CSMD1: variants seen among roughly 807,000 people sequenced by gnomAD.
CSMD1 encodes the protein CUB and sushi domain-containing protein 1.
In CSMD1, 213 loss-of-function variants were observed where a neutral mutation model predicts 417.5. The observed-to-expected ratio is 0.51, with a 90% CI of 0.46 to 0.57. The LOEUF (loss-of-function observed/expected upper bound fraction) is 0.57, where lower values mean the gene tolerates loss of function less well. CSMD1 is among the 20% of genes least tolerant of loss of function. The pLI is 0.00. For synonymous variants in CSMD1, 2,862 were observed against 1,736.8 expected, an observed-to-expected ratio of 1.65 and a Z score of -16.11; for missense variants, 6,923 against 4,529.7, an observed-to-expected ratio of 1.53 and a Z score of -15.17.
chr8:3,731,374 A>C (rs894980749), intron 6 of CSMD1, among the ~76,000 whole-genome samples: 2 of 152,196 alleles, frequency 1.3e-5, no homozygotes, highest in African/African-American at 2.4e-5. Context: ...GTTCAGGCTA[A>C]TACAGGGAGA....
intron 3 of CSMD1, among the ~76,000 whole-genome samples, chr8:4,412,547 G>T (rs997611970): frequency 1.3e-5 from 2 of 152,050 alleles, no homozygotes; most frequent in Non-Finnish European, 2.9e-5. Context: ...CCAGTCTCCG[G>T]TATTTCTTTA....
rs1471733 is a variant in CSMD1 at position 3,026,102 on chromosome 8, T to A, written c.7855+3217A>T. Among the ~76,000 whole-genome samples, 1,029 of 151,956 alleles carry A rather than the reference T, an allele frequency of 6.8e-3. 12 individuals are homozygous for A. The highest frequency in any genetic ancestry group is 0.017 in the Middle Eastern group (5 of 294). ...GACTTTGAGTTAATAAAAAATGAGA[T>A]GATTTGGATGGGAACAGCCTGGTGA... On this transcript the variant is annotated intron_variant, in intron 51 of 69. Coordinates refer to ENST00000635120, the MANE Select transcript of CSMD1 (RefSeq NM_033225.6).
intron 3 of CSMD1, among the ~76,000 whole-genome samples, chr8:4,168,218 C>G (rs915164045): frequency 8.6e-5 from 13 of 151,348 alleles, no homozygotes; most frequent in African/African-American, 2.9e-4. Flanking sequence ...TATACACACA[C>G]ATATATACAC....
intron 1 of CSMD1, among the ~76,000 whole-genome samples, chr8:4,821,920 GC>G (rs1262488401): frequency 9.9e-5 from 15 of 152,136 alleles, no homozygotes; most frequent in African/African-American, 3.1e-4. Context: ...TTGCTTGCCT[GC>G]TTCAGGTATT....
intron 1 of CSMD1, among the ~76,000 whole-genome samples, chr8:4,843,376 C>A (rs12156083): frequency 6.6e-6 from 1 of 151,896 alleles, no homozygotes; most frequent in Non-Finnish European, 1.5e-5. Flanking sequence ...GGGATGATTA[C>A]GACCTTAAGA....
At position 4,663,385 on chromosome 8, in the gene CSMD1, G is replaced by A. The variant is rs200375582; in HGVS notation, c.86-25827C>T. Among the ~76,000 whole-genome samples, 28 of 152,254 alleles carry A rather than the reference G, an allele frequency of 1.8e-4. No homozygotes were observed. In the East Asian group the frequency reaches 5.2e-3, roughly 28 times the overall value. ...TTTCTTTCCTCTAAGGGACTCTTTG[G>A]AAGATGCTAAGTGATTGGTTTGGGT... On this transcript the variant is annotated intron_variant, in intron 1 of 69. Coordinates refer to ENST00000635120, the MANE Select transcript of CSMD1 (RefSeq NM_033225.6).
At chr8:3,367,008 A>AAACAGC in intron 20 of CSMD1, 24 bp downstream of exon 20, 1 of 1,576,150 alleles carries the variant, frequency 6.3e-7, no homozygotes, top group Non-Finnish European at 8.7e-7. Flanking sequence ...CAGAGGAGAG[A>AAACAGC]AACAGCAAAC....
intron 25 of CSMD1, among the ~76,000 whole-genome samples, chr8:3,300,894 G>A (rs543385821): frequency 1.4e-5 from 2 of 144,512 alleles, no homozygotes; most frequent in South Asian, 2.3e-4. Flanking sequence ...AGGAGGCTGA[G>A]GTTGCAGTGA....
chr8:3,669,709 G>T (rs1364384477), intron 7 of CSMD1, among the ~76,000 whole-genome samples: 1 of 152,072 alleles, frequency 6.6e-6, no homozygotes, highest in Non-Finnish European at 1.5e-5. Context: ...TAGGAACTGG[G>T]TACAAAGAGG....
At chr8:4,832,666 A>G (rs2117450041) in intron 1 of CSMD1, among the ~76,000 whole-genome samples, 1 of 152,290 alleles carries the variant, frequency 6.6e-6, no homozygotes, top group African/African-American at 2.4e-5. Context: ...ATATTCTCAT[A>G]TTTCTCACAA....
At chr8:2,966,770 C>G (rs750512000) in intron 57 of CSMD1, 24 bp from the exon 58 acceptor site, 71 of 1,608,518 alleles carry the variant, frequency 4.4e-5, no homozygotes, top group African/African-American at 9.3e-5. Context: ...AAGAACACCA[C>G]CACACACAGT....
In CSMD1 at chr8:4,689,948, A is replaced by G. The variant is rs147262901; in HGVS notation, c.86-52390T>C. Among the ~76,000 whole-genome samples, 18 of 152,320 alleles carry G rather than the reference A, an allele frequency of 1.2e-4. No homozygotes were observed. In the East Asian group the frequency reaches 3.3e-3, roughly 28 times the overall value. ...CAAATGTTATCACTTTCTCCCCTGC[A>G]GGAAGTGGGCTGTATTACTGCCGTA... On this transcript the variant is annotated intron_variant, in intron 1 of 69. Transcript: ENST00000635120.
At chr8:4,335,548 T>C (rs1800116334) in intron 3 of CSMD1, among the ~76,000 whole-genome samples, 2 of 152,240 alleles carry the variant, frequency 1.3e-5, no homozygotes, top group Middle Eastern at 3.4e-3. Context: ...AACATCTAAA[T>C]TAGCTTAAAA....
At position 4,891,303 on chromosome 8, in the gene CSMD1, T is replaced by C. The variant is rs73505831; in HGVS notation, c.85+103029A>G. 3.0e-3 allele frequency among the ~76,000 whole-genome samples: 458 copies of C among 152,276 alleles called. 5 individuals carry two copies. The highest frequency in any genetic ancestry group is 0.011 in the African/African-American group (439 of 41,524). ...AGAATACTCTTACAAGTGAAGACAC[T>C]AAGCTAACAATGTAACCTTACTTGA... is the stretch of plus-strand genomic sequence containing the variant. On this transcript the variant is annotated intron_variant, in intron 1 of 69. Transcript: ENST00000635120.
intron 8 of CSMD1, among the ~76,000 whole-genome samples, chr8:3,599,306 G>C (rs917915815): frequency 6.7e-5 from 10 of 149,454 alleles, no homozygotes; most frequent in Admixed American, 5.3e-4. Context: ...TGGGTGCTGA[G>C]AACACCTGAG....
At chr8:4,591,856 A>T (rs2617088) in intron 2 of CSMD1, among the ~76,000 whole-genome samples, 1 of 151,848 alleles carries the variant, frequency 6.6e-6, no homozygotes, top group African/African-American at 2.4e-5. Flanking sequence ...GGCAGAGGGG[A>T]GAAAGTAATG....
intron 12 of CSMD1, among the ~76,000 whole-genome samples, chr8:3,467,229 G>A (rs967458883): frequency 2.0e-5 from 3 of 152,172 alleles, no homozygotes; most frequent in Admixed American, 6.5e-5. Flanking sequence ...GTTTGGGCAC[G>A]AGGTTCCTCT....
intron 7 of CSMD1, among the ~76,000 whole-genome samples, chr8:3,655,113 C>A (rs183651367): frequency 6.6e-6 from 1 of 152,250 alleles, no homozygotes; most frequent in African/African-American, 2.4e-5. Context: ...TGAAAATACA[C>A]ATTAATTTTC....
chr8:4,647,784 A>G (rs1803631064), intron 1 of CSMD1, among the ~76,000 whole-genome samples: 1 of 152,098 alleles, frequency 6.6e-6, no homozygotes, highest in Non-Finnish European at 1.5e-5. Flanking sequence ...CATGGTGTGT[A>G]TGTACTGGAT....
Sources: allele counts gnomAD v4.1 joint callset (sites outside exome capture counted in the v4.1 genomes callset), GRCh38; gene constraint gnomAD v4.1.1; transcripts MANE v1.5; gene names NCBI Gene and HGNC (gene_info 2026-07-23, HGNC 2026-07-21).